The following ZNF624 variants were observed in gnomAD, a reference collection of about 807,000 sequenced individuals.
ZNF624 encodes the protein zinc finger protein 624.
ZNF624 carries 43 observed loss-of-function variants against 74.7 expected under a neutral mutation model. That is an observed-to-expected ratio of 0.58 (90% confidence interval 0.45 to 0.74). The LOEUF (loss-of-function observed/expected upper bound fraction) is 0.74, where lower values mean the gene tolerates loss of function less well. Among genes scored for constraint, ZNF624 ranks in the 30% least tolerant of loss-of-function variants. The probability of loss-of-function intolerance (pLI) is 0.00; values close to 1 mark genes in which losing one functional copy is unlikely to be tolerated. For missense variants in ZNF624, 820 were observed against 1,030.0 expected, an observed-to-expected ratio of 0.80 and a Z score of 2.79; for synonymous variants, 331 against 341.3, an observed-to-expected ratio of 0.97 and a Z score of 0.33.
chr17:16,641,674 G>A (rs1294386060), intron 3 of ZNF624, among the ~76,000 whole-genome samples: 2 of 152,338 alleles, frequency 1.3e-5, no homozygotes, highest in African/African-American at 4.8e-5. Context: ...AGACAGGAAA[G>A]GAGAAAGCAA....
chr17:16,645,929 G>A (rs1246598297), intron 3 of ZNF624, among the ~76,000 whole-genome samples: 2 of 119,222 alleles, frequency 1.7e-5, no homozygotes, highest in Admixed American at 1.1e-4. Flanking sequence ...CTGGGTGACA[G>A]AGCGAGACTC....
intron 1 of ZNF624, among the ~76,000 whole-genome samples, chr17:16,652,446 TGAGTC>T (rs1433673854): frequency 3.9e-5 from 6 of 152,200 alleles, no homozygotes; most frequent in Admixed American, 3.3e-4. Flanking sequence ...AAGAGTGAGC[TGAGTC>T]ATCATTTTTA....
chr17:16,623,810 G>A lies in ZNF624; in HGVS notation c.1076C>T (p.Pro359Leu), dbSNP rs777511460. The stretch of plus-strand genomic sequence containing the variant: ...TTTCCCACACACATTACACTGATAA[G>A]GTTTCTCTTTAGTGTGAATTCTCTG... ...VHQRIHTKEKPYQCNVCGKSF... is the reference protein window; with the variant it reads ...VHQRIHTKEKLYQCNVCGKSF... The change falls in exon 6 of 6, where the codon CCT becomes CTT. Residue 359 changes from proline to leucine, a missense_variant. Transcript: ENST00000311331. The surrounding 1 kb of genome is among the most constrained non-coding windows in gnomAD (Gnocchi z 5.3). 6.8e-6 allele frequency: 11 copies of A among 1,613,858 alleles called. No individual in the cohort carries two copies. The highest frequency in any genetic ancestry group is 9.3e-6 in the Non-Finnish European group (11 of 1,180,016).
In ZNF624 at chr17:16,633,868, A is replaced by G. The variant is rs1909262066; in HGVS notation, c.370T>C (p.Tyr124His). The change falls in exon 5 of 6, where the codon TAT becomes CAT. Residue 124 changes from tyrosine (Y) to histidine (H), a missense_variant. By Grantham distance (83) the Tyr-to-His change is moderately conservative (BLOSUM62 2). Transcript: ENST00000311331. The stretch of plus-strand genomic sequence containing the variant: ...TTGGTTCTGTTTAACTCACCAGGAT[A>G]GGGAATTCTTGAAATTTCTCTCACC... ...VTVREISRIP[Y>H]PDMEPKPATK... 2 of 1,611,760 alleles carry G rather than the reference A, an allele frequency of 1.2e-6. No individual in the cohort carries two copies. The highest frequency in any genetic ancestry group is 8.5e-7 in the Non-Finnish European group (1 of 1,178,106).
At chr17:16,619,007 T>C (rs910165061), downstream of ZNF624, among the ~76,000 whole-genome samples, 1 of 152,168 alleles carries the variant, frequency 6.6e-6, no homozygotes, top group African/African-American at 2.4e-5. Flanking sequence ...GTACTATCAG[T>C]TTTCATTTAA....
chr17:16,652,746 A>G (rs1909755994), intron 1 of ZNF624, among the ~76,000 whole-genome samples: 1 of 152,148 alleles, frequency 6.6e-6, no homozygotes, highest in South Asian at 2.1e-4. Context: ...CCAAGCAGAC[A>G]AGAAGAAGTA....
intron 5 of ZNF624, among the ~76,000 whole-genome samples, 155 bp downstream of exon 5, chr17:16,633,707 G>A (rs1230020322): frequency 3.9e-5 from 6 of 152,108 alleles, no homozygotes; most frequent in Non-Finnish European, 8.8e-5. Context: ...GAGAAGATGG[G>A]GGTGAGAGGG....
At chr17:16,616,843 C>T, downstream of ZNF624, 1 of 1,180,316 alleles carries the variant, frequency 8.5e-7, no homozygotes. Context: ...CAAGAGAGTT[C>T]TGAGTTAATC....
chr17:16,623,606 T>G lies in ZNF624; in HGVS notation c.1280A>C (p.Asn427Thr). Reference protein sequence around the residue: ...KCDDCGKAFRNKSYLSVHQKT... With the variant: ...KCDDCGKAFRTKSYLSVHQKT... The stretch of plus-strand genomic sequence containing the variant: ...CTGATGTACACTAAGATATGACTTG[T>G]TCCTAAAGGCTTTCCCACAATCATC... The change falls in exon 6 of 6, where the codon AAC (asparagine) becomes ACC (threonine). Residue 427 changes from asparagine to threonine, a missense_variant. By Grantham distance (65) the Asn-to-Thr change is moderately conservative. Coordinates refer to ENST00000311331, the MANE Select transcript of ZNF624 (RefSeq NM_020787.4). The surrounding 1 kb of genome is among the most constrained non-coding windows in gnomAD (Gnocchi z 5.3). 6.2e-7 allele frequency: 1 copy of G among 1,612,042 alleles called. No homozygotes were observed. Among genetic ancestry groups the G allele is most frequent in the South Asian group, 1.1e-5 (1 of 90,660 alleles).
At position 16,622,834 on chromosome 17, in the gene ZNF624, G is replaced by T; in HGVS notation, c.2052C>A (p.Thr684=). 1 of 1,613,598 alleles carries T rather than the reference G, an allele frequency of 6.2e-7. No homozygotes were observed. Among genetic ancestry groups the T allele is most frequent in the African/African-American group, 1.3e-5 (1 of 74,924 alleles). ...EKAFTNTSQL[T]VHQRRHTGEK... ...CTCCAGTATGCCTTCGTTGGTGCAC[G>T]GTAAGCTGTGATGTATTAGTGAAGG... is the stretch of plus-strand genomic sequence containing the variant. Residue 684 remains threonine, a synonymous_variant, in exon 6 of 6, where the codon ACC becomes ACA. Coordinates refer to ENST00000311331, the MANE Select transcript of ZNF624 (RefSeq NM_020787.4).
chr17:16,646,915 A>G (rs911097971), intron 3 of ZNF624, among the ~76,000 whole-genome samples: 5 of 152,176 alleles, frequency 3.3e-5, no homozygotes, highest in African/African-American at 1.2e-4. Flanking sequence ...CAAATTTCTG[A>G]TTTTTATTTT....
At chr17:16,633,192 A>C (rs1909245149) in intron 5 of ZNF624, among the ~76,000 whole-genome samples, 1 of 152,166 alleles carries the variant, frequency 6.6e-6, no homozygotes. Flanking sequence ...TTGTTTGCCA[A>C]ATTATCTATT....
chr17:16,643,322 T>C (rs1474663333), intron 3 of ZNF624, among the ~76,000 whole-genome samples: 3 of 152,226 alleles, frequency 2.0e-5, no homozygotes, highest in South Asian at 2.1e-4. Flanking sequence ...GCTATATCCA[T>C]ACAACTGGAA....
At chr17:16,614,722 C>A in the ZNF624 span, among the ~76,000 whole-genome samples, 2 of 152,102 alleles carry the variant, frequency 1.3e-5, no homozygotes, top group Non-Finnish European at 2.9e-5. Flanking sequence ...AATTCTGATA[C>A]AAAGTCAAAC....
chr17:16,645,443 A>G (rs1909565241), intron 3 of ZNF624, among the ~76,000 whole-genome samples: 1 of 152,122 alleles, frequency 6.6e-6, no homozygotes, highest in Admixed American at 6.5e-5. Context: ...TACTGGCACT[A>G]TGATACTCAG....
intron 3 of ZNF624, among the ~76,000 whole-genome samples, chr17:16,645,855 G>A (rs1393645830): frequency 6.7e-6 from 1 of 149,702 alleles, no homozygotes; most frequent in Non-Finnish European, 1.5e-5. Context: ...GGGAGGCTGA[G>A]GCAGGAGAAT....
chr17:16,651,119 A>T (rs1909712295), intron 1 of ZNF624, among the ~76,000 whole-genome samples: 1 of 152,178 alleles, frequency 6.6e-6, no homozygotes, highest in African/African-American at 2.4e-5. Context: ...AGGGTTAGTT[A>T]AATCAAGAAA....
In ZNF624 at chr17:16,623,624, C is replaced by T; in HGVS notation, c.1262G>A (p.Cys421Tyr). The T allele has an allele frequency of 2.5e-6, 4 of 1,610,818 alleles. No individual in the cohort carries two copies. The highest frequency in any genetic ancestry group is 2.5e-6 in the Non-Finnish European group (3 of 1,178,980). The change falls in exon 6 of 6, where the codon TGT becomes TAT. Residue 421 changes from cysteine to tyrosine, a missense_variant. By Grantham distance (194) the Cys-to-Tyr change is radical. Transcript: ENST00000311331. This position sits in a 1 kb window ranked among gnomAD's most constrained non-coding sequence, Gnocchi z 5.3. ...NGEKPYKCDD[C>Y]GKAFRNKSYL... ...TGACTTGTTCCTAAAGGCTTTCCCACAATCATCACATTTGTAGGGTTTCTC... is the reference window on the plus strand; with the variant it reads ...TGACTTGTTCCTAAAGGCTTTCCCATAATCATCACATTTGTAGGGTTTCTC...
At chr17:16,653,590 A>G (rs1909782109) in intron 1 of ZNF624, 174 bp downstream of exon 1, 1 of 152,586 alleles carries the variant, frequency 6.6e-6, no homozygotes, top group Non-Finnish European at 1.5e-5. Flanking sequence ...CCAGCTGGAG[A>G]CTGAACCCAC....
Sources: gnomAD v4.1 joint callset for allele counts (sites outside exome capture counted in the v4.1 genomes callset) on GRCh38, gnomAD v4.1.1 for gene constraint, Gnocchi (gnomAD v3.1) non-coding constraint, MANE v1.5 for transcripts, NCBI Gene and HGNC (gene_info 2026-07-23, HGNC 2026-07-21) for gene names.